HSD17B12: variants seen among roughly 807,000 people sequenced by gnomAD.
The protein encoded by HSD17B12 is hydroxysteroid 17-beta dehydrogenase 12.
Under a neutral mutation model 39.3 loss-of-function variants are expected in HSD17B12, and 32 were observed. The observed-to-expected ratio is 0.81, with a 90% CI of 0.61 to 1.09. The LOEUF (loss-of-function observed/expected upper bound fraction) is 1.09, where lower values mean the gene tolerates loss of function less well. HSD17B12 is among the 50% of genes least tolerant of loss of function. The probability of loss-of-function intolerance (pLI) is 0.00; values close to 1 mark genes in which losing one functional copy is unlikely to be tolerated. For synonymous variants in HSD17B12, 150 were observed against 146.7 expected (o/e 1.02, Z -0.16); for missense variants, 342 against 382.9 (o/e 0.89, Z 0.89).
At chr11:43,761,359 GT>G (rs1297026974) in intron 3 of HSD17B12, among the ~76,000 whole-genome samples, 1 of 152,140 alleles carries the variant, frequency 6.6e-6, no homozygotes, top group East Asian at 1.9e-4. Flanking sequence ...GCTTTGATTA[GT>G]TTTACAGACA....
In HSD17B12 at chr11:43,722,771, C is replaced by T. The variant is rs569554110; in HGVS notation, c.161-28140C>T. Among the ~76,000 whole-genome samples, 920 of 152,152 alleles carry T rather than the reference C, an allele frequency of 6.0e-3. 10 individuals carry two copies. Among genetic ancestry groups the T allele is most frequent in the African/African-American group, 0.021 (886 of 41,488 alleles). ...GGCTGAGGCAGGAGAATTGCTTGAA[C>T]CCGGGAGGCAGAGGTTGCAGTGAGC... On this transcript the variant is annotated intron_variant, in intron 1 of 10. Coordinates refer to ENST00000278353, the MANE Select transcript of HSD17B12 (RefSeq NM_016142.3).
At chr11:43,720,052 G>A (rs916639409) in intron 1 of HSD17B12, among the ~76,000 whole-genome samples, 3 of 152,220 alleles carry the variant, frequency 2.0e-5, no homozygotes, top group African/African-American at 4.8e-5. Flanking sequence ...AAGATTCTTC[G>A]AAGTCCCTTT....
intron 4 of HSD17B12, among the ~76,000 whole-genome samples, chr11:43,802,176 T>C (rs943344308): frequency 2.4e-4 from 36 of 151,842 alleles, no homozygotes; most frequent in African/African-American, 8.7e-4. Context: ...TTAGTAGAGA[T>C]GGGGTTTCAC....
At chr11:43,733,949 C>G in intron 1 of HSD17B12, 1 of 701,272 alleles carries the variant, frequency 1.4e-6, no homozygotes, top group Non-Finnish European at 2.6e-6. Context: ...GTACAGAAAC[C>G]AATTATCTTT....
chr11:43,808,589 C>T (rs1951040815), intron 4 of HSD17B12, among the ~76,000 whole-genome samples: 1 of 152,126 alleles, frequency 6.6e-6, no homozygotes, highest in Non-Finnish European at 1.5e-5. Context: ...TAACTACCAA[C>T]CTCATGTCAT....
chr11:43,691,016 A>G (rs911994736), intron 1 of HSD17B12, among the ~76,000 whole-genome samples: 4 of 152,250 alleles, frequency 2.6e-5, no homozygotes, highest in Non-Finnish European at 5.9e-5. Context: ...AAGACACTGC[A>G]TATTCCCTTC....
At chr11:43,777,637 C>A (rs2135002331) in intron 3 of HSD17B12, among the ~76,000 whole-genome samples, 1 of 152,290 alleles carries the variant, frequency 6.6e-6, no homozygotes, top group Non-Finnish European at 1.5e-5. Flanking sequence ...GAACTTCCAA[C>A]ACTATGTTGA....
chr11:43,764,564 A>T (rs1432140081), intron 3 of HSD17B12, among the ~76,000 whole-genome samples: 2 of 152,074 alleles, frequency 1.3e-5, no homozygotes, highest in African/African-American at 4.8e-5. Context: ...ATCACCGACT[A>T]TAATTATGGA....
chr11:43,615,315 T>C, the HSD17B12 span, among the ~76,000 whole-genome samples: 1 of 152,234 alleles, frequency 6.6e-6, no homozygotes, highest in African/African-American at 2.4e-5. Flanking sequence ...TCCTACCCTG[T>C]GTAATTTCTG....
At chr11:43,843,398 T>C (rs1333292959) in intron 9 of HSD17B12, among the ~76,000 whole-genome samples, 1 of 152,212 alleles carries the variant, frequency 6.6e-6, no homozygotes, top group Non-Finnish European at 1.5e-5. Flanking sequence ...AGCCCACACA[T>C]GTTTCCTGGG....
intron 9 of HSD17B12, among the ~76,000 whole-genome samples, chr11:43,847,429 G>A (rs1222152507): frequency 1.3e-5 from 2 of 152,182 alleles, no homozygotes; most frequent in Non-Finnish European, 2.9e-5. Context: ...TGGGCGCCAT[G>A]CACGGTGGCT....
intron 1 of HSD17B12, among the ~76,000 whole-genome samples, chr11:43,708,995 A>AG (rs1950040553): frequency 6.6e-6 from 1 of 152,236 alleles, no homozygotes; most frequent in Non-Finnish European, 1.5e-5. Flanking sequence ...GAGAAAACAC[A>AG]GGGCAGTGAA....
At chr11:43,682,957 AT>A (rs1035259326) in intron 1 of HSD17B12, among the ~76,000 whole-genome samples, 6 of 151,442 alleles carry the variant, frequency 4.0e-5, no homozygotes, top group African/African-American at 1.2e-4. Context: ...ACACCAGCTC[AT>A]TTTTTTTGTT....
At chr11:43,845,780 CTA>C (rs1951469972) in intron 9 of HSD17B12, among the ~76,000 whole-genome samples, 1 of 152,172 alleles carries the variant, frequency 6.6e-6, no homozygotes, top group Non-Finnish European at 1.5e-5. Flanking sequence ...CATATAATTA[CTA>C]TTATTTCCCT....
chr11:43,798,590 A>AATCTG lies in HSD17B12; in HGVS notation c.391+164_391+168dup, dbSNP rs528571665. ...TAGGTGACATTAATATATACATTTG[A>AATCTG]ATCTGTGTTTTTAGTTCTATATTAA... On this transcript the variant is annotated intron_variant, in intron 4 of 10. Coordinates refer to ENST00000278353, the MANE Select transcript of HSD17B12 (RefSeq NM_016142.3). Among the ~76,000 whole-genome samples the AATCTG allele has an allele frequency of 2.6e-5, 4 of 152,214 alleles. No homozygotes were observed. The South Asian group carries it at 8.3e-4, about 32-fold the overall frequency.
chr11:43,592,697 C>T, the HSD17B12 span, among the ~76,000 whole-genome samples: 2 of 152,034 alleles, frequency 1.3e-5, no homozygotes, highest in South Asian at 2.1e-4. Context: ...TTTGAATACA[C>T]GGGTCTTTTT....
At chr11:43,845,702 A>G (rs1387682430) in intron 9 of HSD17B12, among the ~76,000 whole-genome samples, 1 of 152,130 alleles carries the variant, frequency 6.6e-6, no homozygotes, top group Admixed American at 6.6e-5. Context: ...GACACAGAAG[A>G]TCCATCTGCT....
the HSD17B12 span, among the ~76,000 whole-genome samples, chr11:43,588,703 G>C: frequency 6.6e-6 from 1 of 151,000 alleles, no homozygotes; most frequent in African/African-American, 2.4e-5. Flanking sequence ...AGCATAAGCA[G>C]CTATAGGACC....
chr11:43,649,872 C>T, the HSD17B12 span, among the ~76,000 whole-genome samples: 1 of 152,142 alleles, frequency 6.6e-6, no homozygotes, highest in Non-Finnish European at 1.5e-5. Flanking sequence ...ATCACTATGT[C>T]GTGAGAAACC....
Sources: gnomAD v4.1 joint callset for allele counts (sites outside exome capture counted in the v4.1 genomes callset) on GRCh38, gnomAD v4.1.1 for gene constraint, MANE v1.5 for transcripts, NCBI Gene and HGNC (gene_info 2026-07-23, HGNC 2026-07-21) for gene names.